PDE1A: variants seen among roughly 807,000 people sequenced by gnomAD.
PDE1A encodes the protein phosphodiesterase 1A.
PDE1A carries 35 observed loss-of-function variants against 61.7 expected under a neutral mutation model. The observed-to-expected ratio is 0.57, with a 90% CI of 0.43 to 0.75. The LOEUF is 0.75. Among genes scored for constraint, PDE1A ranks in the 30% least tolerant of loss-of-function variants. PDE1A has a pLI of 0.00. For synonymous variants in PDE1A, 232 were observed against 213.2 expected (o/e 1.09, Z -0.77); for missense variants, 597 against 630.6 (o/e 0.95, Z 0.57).
At chr2:182,288,301 AATCAGAAAGCT>A (rs766100643) in intron 1 of PDE1A, among the ~76,000 whole-genome samples, 1 of 152,112 alleles carries the variant, frequency 6.6e-6, no homozygotes, top group Non-Finnish European at 1.5e-5. Context: ...ACTTTCCCCA[AATCAGAAAGCT>A]ATCAAAGGTA....
chr2:182,409,002 T>A (rs1448565453), intron 1 of PDE1A, among the ~76,000 whole-genome samples: 3 of 152,212 alleles, frequency 2.0e-5, no homozygotes, highest in Non-Finnish European at 4.4e-5. Flanking sequence ...GCCACAGGTC[T>A]TCTGCCTCCA....
chr2:182,191,644 G>A (rs1390770197), intron 10 of PDE1A, among the ~76,000 whole-genome samples: 1 of 150,406 alleles, frequency 6.6e-6, no homozygotes, highest in Non-Finnish European at 1.5e-5. Context: ...AATTATTTTT[G>A]CACCACCCTA....
At chr2:182,310,885 C>A (rs1461131466) in intron 1 of PDE1A, among the ~76,000 whole-genome samples, 2 of 152,208 alleles carry the variant, frequency 1.3e-5, no homozygotes, top group Non-Finnish European at 1.5e-5. Context: ...CAATAGAGTG[C>A]AGGCAGAAAT....
chr2:182,188,994 C>G (rs760269272), exon 11 of PDE1A: 1 of 1,611,084 alleles, frequency 6.2e-7, no homozygotes, highest in South Asian at 1.1e-5. Context: ...TGTGACTGGG[C>G]CACCATGGTT....
At chr2:182,327,681 G>C (rs1574360519) in intron 1 of PDE1A, among the ~76,000 whole-genome samples, 1 of 152,164 alleles carries the variant, frequency 6.6e-6, no homozygotes, top group Non-Finnish European at 1.5e-5. Context: ...GGTCACTGAA[G>C]ACTGGCTGGA....
rs190195841 is a variant in PDE1A at position 182,493,815 on chromosome 2, T to A, written c.101+28461A>T. On this transcript the variant is annotated intron_variant, in intron 2 of 14. Transcript: ENST00000410103. ...CTGGAAACCATCATTCTCAGCAAAC[T>A]GTTGCAAGGACAGGAAACCAAACAC... 2.5e-3 allele frequency among the ~76,000 whole-genome samples: 384 copies of A among 152,288 alleles called. 1 individual carries two copies. Among genetic ancestry groups the A allele is most frequent in the African/African-American group, 8.8e-3 (365 of 41,576 alleles).
At chr2:182,546,628 C>T in the PDE1A span, among the ~76,000 whole-genome samples, 2 of 152,206 alleles carry the variant, frequency 1.3e-5, no homozygotes, top group African/African-American at 4.8e-5. Context: ...ACAAGAGTTA[C>T]AATCAACCAG....
At chr2:182,429,026 G>A (rs1218821646), upstream of PDE1A, among the ~76,000 whole-genome samples, 1 of 152,036 alleles carries the variant, frequency 6.6e-6, no homozygotes, top group Non-Finnish European at 1.5e-5. Flanking sequence ...TTAATCATAG[G>A]AAATCCATAA....
intron 1 of PDE1A, among the ~76,000 whole-genome samples, chr2:182,355,166 G>T (rs1382996977): frequency 1.3e-5 from 2 of 151,782 alleles, no homozygotes; most frequent in African/African-American, 2.4e-5. Context: ...AAATAAAAAA[G>T]AAATGTATAT....
At chr2:182,384,898 C>A (rs1301433369) in intron 1 of PDE1A, among the ~76,000 whole-genome samples, 1 of 151,896 alleles carries the variant, frequency 6.6e-6, no homozygotes, top group Non-Finnish European at 1.5e-5. Flanking sequence ...AACTCAAAGA[C>A]AAGGAGAAGA....
chr2:182,342,243 T>G (rs1326867378), intron 1 of PDE1A, among the ~76,000 whole-genome samples: 2 of 152,216 alleles, frequency 1.3e-5, no homozygotes, highest in East Asian at 1.9e-4. Flanking sequence ...TCAGAAAGTG[T>G]TGTTGTTGTT....
Position 182,418,454 on chromosome 2 carries a change from G to A in PDE1A, c.53+8124C>T, listed in dbSNP as rs546534650. Among the ~76,000 whole-genome samples, 19 of 152,262 alleles carry A rather than the reference G, an allele frequency of 1.2e-4. No individual in the cohort carries two copies. In the South Asian group the frequency reaches 3.9e-3, roughly 32 times the overall value. On this transcript the variant is annotated intron_variant, in intron 1 of 13. Transcript: ENST00000351439. ...CATGTTTGACCCTTGGGTCACATGA[G>A]AGTCATCTGGACTACACTGCTTCAT...
intron 2 of PDE1A, among the ~76,000 whole-genome samples, chr2:182,242,770 G>T (rs1164694749): frequency 1.3e-5 from 2 of 152,102 alleles, no homozygotes; most frequent in Non-Finnish European, 2.9e-5. Flanking sequence ...TCCTGCCAGG[G>T]TTTCCAGCCT....
At chr2:182,491,995 T>C (rs1012366922) in intron 2 of PDE1A, among the ~76,000 whole-genome samples, 1 of 152,174 alleles carries the variant, frequency 6.6e-6, no homozygotes, top group African/African-American at 2.4e-5. Context: ...CATGCACTCA[T>C]GACCTTTATT....
At chr2:182,435,461 G>A (rs553337765) in intron 2 of PDE1A, among the ~76,000 whole-genome samples, 2 of 152,132 alleles carry the variant, frequency 1.3e-5, no homozygotes, top group African/African-American at 4.8e-5. Context: ...GATTTCAAGT[G>A]CACATGGTGG....
intron 1 of PDE1A, among the ~76,000 whole-genome samples, chr2:182,283,044 T>C (rs916539078): frequency 3.3e-5 from 5 of 151,968 alleles, no homozygotes; most frequent in African/African-American, 1.2e-4. Flanking sequence ...GGGTAGTAAA[T>C]TTAGTAAATA....
chr2:182,432,559 G>C (rs1387691032), intron 2 of PDE1A, among the ~76,000 whole-genome samples: 1 of 151,996 alleles, frequency 6.6e-6, no homozygotes, highest in African/African-American at 2.4e-5. Flanking sequence ...TATAAAAGAT[G>C]CTCACTGGTT....
chr2:182,175,316 C>G (rs995876878), intron 13 of PDE1A, among the ~76,000 whole-genome samples: 8 of 152,196 alleles, frequency 5.3e-5, no homozygotes, highest in African/African-American at 1.4e-4. Flanking sequence ...TAAAAGCATT[C>G]CTATTTCTCC....
chr2:182,193,599 C>T (rs1685891684), intron 10 of PDE1A, among the ~76,000 whole-genome samples: 1 of 152,044 alleles, frequency 6.6e-6, no homozygotes, highest in Non-Finnish European at 1.5e-5. Flanking sequence ...CCTCTAATGA[C>T]CCTTCTTTAC....
Sources: allele counts gnomAD v4.1 joint callset (sites outside exome capture counted in the v4.1 genomes callset), GRCh38; gene constraint gnomAD v4.1.1; transcripts MANE v1.5; gene names NCBI Gene and HGNC (gene_info 2026-07-23, HGNC 2026-07-21).